The following RASGEF1A variants were observed in gnomAD, a reference collection of about 807,000 sequenced individuals.
The protein encoded by RASGEF1A is RasGEF domain family member 1A.
RASGEF1A carries 18 observed loss-of-function variants against 56.4 expected under a neutral mutation model. The ratio of observed to expected loss-of-function variants is 0.32; its 90% CI spans 0.22 to 0.47. RASGEF1A has a LOEUF of 0.47. Ranked by LOEUF, RASGEF1A falls within the 20% of genes least tolerant of loss-of-function variation. The pLI, the probability that RASGEF1A is intolerant of heterozygous loss-of-function variation, is 1.00. For missense variants in RASGEF1A, 422 were observed against 627.1 expected, an observed-to-expected ratio of 0.67 and a Z score of 3.49; for synonymous variants, 245 against 242.6, an observed-to-expected ratio of 1.01 and a Z score of -0.09.
intron 1 of RASGEF1A, among the ~76,000 whole-genome samples, chr10:43,242,523 C>T (rs1039522194): frequency 3.3e-5 from 5 of 152,064 alleles, no homozygotes; most frequent in African/African-American, 9.7e-5. Flanking sequence ...CCTCTCTCTC[C>T]CTCTCGCTCT....
chr10:43,211,513 C>T lies in RASGEF1A; in HGVS notation c.-6-5391G>A, dbSNP rs576469847. Among the ~76,000 whole-genome samples the T allele has an allele frequency of 1.2e-4, 18 of 152,312 alleles. No homozygotes were observed. The East Asian group carries it at 1.4e-3, about 11-fold the overall frequency. ...AGGGCAGGCGGCAGACAACCAGGCA[C>T]AGGGCTCTCCCCAGGCCTCCACTAC... On this transcript the variant is annotated intron_variant, in intron 1 of 12. Coordinates refer to ENST00000395810, the MANE Select transcript of RASGEF1A (RefSeq NM_145313.4).
chr10:43,255,770 A>G (rs1241799731), intron 1 of RASGEF1A, among the ~76,000 whole-genome samples: 1 of 152,120 alleles, frequency 6.6e-6, no homozygotes, highest in Non-Finnish European at 1.5e-5. Context: ...GGGAGTAGGC[A>G]CAAGTGTTGG....
chr10:43,212,707 G>A (rs1166393910), intron 1 of RASGEF1A, among the ~76,000 whole-genome samples: 3 of 152,250 alleles, frequency 2.0e-5, no homozygotes, highest in Non-Finnish European at 4.4e-5. Flanking sequence ...CTCAGCCTGG[G>A]TGAGGGACTG....
rs568509653 is a variant in RASGEF1A at position 43,245,512 on chromosome 10, T to A, written c.-7+21333A>T. On this transcript the variant is annotated intron_variant, in intron 1 of 12. Coordinates refer to ENST00000395810, the MANE Select transcript of RASGEF1A (RefSeq NM_145313.4). The stretch of plus-strand genomic sequence containing the variant: ...AACCAATATAAACCATCCATAAATG[T>A]AGATGCAAAACTCCTCAACAAAATA... Among the ~76,000 whole-genome samples, 15 of 152,324 alleles carry A rather than the reference T, an allele frequency of 9.8e-5. No homozygotes were observed. In the East Asian group the frequency reaches 2.7e-3, roughly 27 times the overall value.
At chr10:43,246,303 G>A (rs1339305169) in intron 1 of RASGEF1A, among the ~76,000 whole-genome samples, 1 of 152,152 alleles carries the variant, frequency 6.6e-6, no homozygotes, top group Non-Finnish European at 1.5e-5. Flanking sequence ...TTCATGGATT[G>A]TAAGACAATA....
intron 1 of RASGEF1A, among the ~76,000 whole-genome samples, chr10:43,230,717 G>A (rs944837930): frequency 2.6e-5 from 4 of 152,144 alleles, no homozygotes; most frequent in South Asian, 2.1e-4. Flanking sequence ...ACATCTGGCC[G>A]CCCCAGGATG....
At chr10:43,214,867 T>C (rs1216161745) in intron 1 of RASGEF1A, among the ~76,000 whole-genome samples, 1 of 152,138 alleles carries the variant, frequency 6.6e-6, no homozygotes, top group Non-Finnish European at 1.5e-5. Context: ...CAATTCTCCC[T>C]CACCCAGGGA....
intron 1 of RASGEF1A, among the ~76,000 whole-genome samples, chr10:43,219,996 G>A (rs866580679): frequency 9.2e-5 from 14 of 152,160 alleles, no homozygotes; most frequent in Non-Finnish European, 1.5e-4. Context: ...CAGAGCCATG[G>A]GCATGCTCAG....
chr10:43,210,523 C>T (rs1383616896), intron 1 of RASGEF1A, among the ~76,000 whole-genome samples: 1 of 152,222 alleles, frequency 6.6e-6, no homozygotes, highest in African/African-American at 2.4e-5. Context: ...AGTATGTGCA[C>T]ACCAGCACCA....
chr10:43,242,060 C>T (rs969297216), intron 1 of RASGEF1A, among the ~76,000 whole-genome samples: 11 of 152,194 alleles, frequency 7.2e-5, no homozygotes, highest in Admixed American at 5.9e-4. Context: ...ATGGCGTGAA[C>T]CCAGGAGGTG....
chr10:43,197,303 CTCTG>C (rs1425791641), intron 10 of RASGEF1A, among the ~76,000 whole-genome samples: 1 of 152,256 alleles, frequency 6.6e-6, no homozygotes, highest in Non-Finnish European at 1.5e-5. Flanking sequence ...CCCAAGGCCA[CTCTG>C]TCTGGCCCTC....
At chr10:43,199,053 G>GGGGGC in intron 8 of RASGEF1A, 39 bp downstream of exon 8, 7 of 1,128,538 alleles carry the variant, frequency 6.2e-6, no homozygotes, top group Non-Finnish European at 9.3e-6. Context: ...GGGGGGGTGG[G>GGGGGC]CCATGCAGCA....
chr10:43,207,871 G>A (rs1013424876), intron 1 of RASGEF1A: 1 of 481,222 alleles, frequency 2.1e-6, no homozygotes, highest in Non-Finnish European at 2.7e-6. Flanking sequence ...GGCCCAGTGG[G>A]AAGGAACTCA....
intron 1 of RASGEF1A, among the ~76,000 whole-genome samples, chr10:43,225,624 A>G (rs1365576913): frequency 6.7e-6 from 1 of 150,328 alleles, no homozygotes; most frequent in East Asian, 2.0e-4. Context: ...TCAGCTCTCT[A>G]AGCTCCACTA....
Position 43,197,105 on chromosome 10 carries a change from G to C in RASGEF1A, c.1225-6C>G. The C allele has an allele frequency of 6.2e-7, 1 of 1,613,528 alleles. No homozygotes were observed. The highest frequency in any genetic ancestry group is 1.3e-5 in the African/African-American group (1 of 75,066). The stretch of plus-strand genomic sequence containing the variant: ...CTGGAGATCTCCCAGAATTTCTGAA[G>C]GGAGCAAAACCAACTGATGTTCATC... On this transcript the variant is annotated splice_polypyrimidine_tract_variant and splice_region_variant and intron_variant, in intron 10 of 12. Transcript: ENST00000395810.
rs781326963 is a variant in RASGEF1A at position 43,198,895 on chromosome 10, G to C, written c.1032+38C>G. Reference sequence around the variant, plus strand: ...CTTCGGGCCATTGCGGGACGAAATGGGTGCAGCTCGCAGCTGTGACGGGGC... The same window carrying C: ...CTTCGGGCCATTGCGGGACGAAATGCGTGCAGCTCGCAGCTGTGACGGGGC... On this transcript the variant is annotated intron_variant, in intron 9 of 12. Transcript: ENST00000395810. 7 of 1,581,732 alleles carry C rather than the reference G, an allele frequency of 4.4e-6. No homozygotes were observed. The African/African-American group carries it at 8.2e-5, about 19-fold the overall frequency.
At chr10:43,235,148 C>T (rs912752061) in intron 1 of RASGEF1A, among the ~76,000 whole-genome samples, 3 of 152,246 alleles carry the variant, frequency 2.0e-5, no homozygotes, top group Non-Finnish European at 4.4e-5. Context: ...CACTGAATCA[C>T]TCATGGCTTT....
chr10:43,256,212 C>A (rs1840687678), intron 1 of RASGEF1A, among the ~76,000 whole-genome samples: 2 of 152,198 alleles, frequency 1.3e-5, no homozygotes, highest in African/African-American at 4.8e-5. Context: ...GGGCCTGGAG[C>A]CAGGACAAGG....
chr10:43,212,078 G>A (rs1394871906), intron 1 of RASGEF1A, among the ~76,000 whole-genome samples: 1 of 152,172 alleles, frequency 6.6e-6, no homozygotes, highest in African/African-American at 2.4e-5. Flanking sequence ...TTAGGGCCAT[G>A]GGCACACACC....
Sources: allele counts gnomAD v4.1 joint callset (sites outside exome capture counted in the v4.1 genomes callset), GRCh38; gene constraint gnomAD v4.1.1; transcripts MANE v1.5; gene names NCBI Gene and HGNC (gene_info 2026-07-23, HGNC 2026-07-21).